Variants in TONSL observed in about 807,000 individuals in gnomAD.
TONSL encodes tonsoku like, DNA repair protein.
TONSL carries 112 observed loss-of-function variants against 147.1 expected under a neutral mutation model. The ratio of observed to expected loss-of-function variants is 0.76; its 90% CI spans 0.65 to 0.89. The LOEUF (loss-of-function observed/expected upper bound fraction) is 0.89, where lower values mean the gene tolerates loss of function less well. Among genes scored for constraint, TONSL ranks in the 40% least tolerant of loss-of-function variants. TONSL has a pLI of 0.00. For missense variants in TONSL, 1,883 were observed against 1,864.6 expected, an observed-to-expected ratio of 1.01 and a Z score of -0.18; for synonymous variants, 868 against 801.5, an observed-to-expected ratio of 1.08 and a Z score of -1.40.
At position 144,432,329 on chromosome 8, in the gene TONSL, C is replaced by T. The variant is rs782387809; in HGVS notation, c.3691G>A (p.Gly1231Ser). 3.1e-6 allele frequency: 5 copies of T among 1,613,722 alleles called. No homozygotes were observed. The highest frequency in any genetic ancestry group is 3.4e-6 in the Non-Finnish European group (4 of 1,179,934). Residue 1231 changes from glycine to serine, a missense_variant, in exon 23 of 26, where the codon GGT (glycine) becomes AGT (serine). Transcript: ENST00000409379. Reference protein sequence around the residue: ...LELSSVAAGKGDSDLMEPVFR... With the variant: ...LELSSVAAGKSDSDLMEPVFR... Reference sequence around the variant, plus strand: ...ACAGGCTCCATGAGGTCCGAATCACCCTTGCCGGCTGCCACGGAGCTGAGC... The same window carrying T: ...ACAGGCTCCATGAGGTCCGAATCACTCTTGCCGGCTGCCACGGAGCTGAGC...
rs1356373678 is a variant in TONSL at position 144,430,971 on chromosome 8, G to A, written c.3809+107C>T. On this transcript the variant is annotated intron_variant, in intron 24 of 25. Coordinates refer to ENST00000409379, the MANE Select transcript of TONSL (RefSeq NM_013432.5). ...AACCGAAGGAGCCAGGTCTTGGGAT[G>A]TGCTGGGGAGGAGGAGCTGGTACCA... is the stretch of plus-strand genomic sequence containing the variant. 4.6e-6 allele frequency: 6 copies of A among 1,310,640 alleles called. No individual in the cohort carries two copies. The African/African-American group carries it at 7.3e-5, about 16-fold the overall frequency. 81.2% of individuals were successfully genotyped at this position (1,310,640 alleles called of 1,614,324 possible). A position where few individuals can be genotyped will look rare whatever the true frequency, so the allele number is the denominator to read the frequency against.
Position 144,436,842 on chromosome 8 carries a change from A to T in TONSL, c.1805T>A (p.Leu602His). The change falls in exon 15 of 26, where the codon CTC becomes CAC. Residue 602 changes from leucine (L) to histidine (H), a missense_variant. Transcript: ENST00000409379. ...GTGGCCACAGTTGAGGGCATCGTGGAGGGGGGTGATGCCTTCGCAGCCCTG... is the reference window on the plus strand; with the variant it reads ...GTGGCCACAGTTGAGGGCATCGTGGTGGGGGGTGATGCCTTCGCAGCCCTG... ...GGQGCEGITP[L>H]HDALNCGHFE... is the part of the protein sequence containing the mutation. The T allele has an allele frequency of 6.2e-7, 1 of 1,610,858 alleles. No homozygotes were observed. Among genetic ancestry groups the T allele is most frequent in the Non-Finnish European group, 8.5e-7 (1 of 1,179,912 alleles).
At chr8:144,430,857 G>C in intron 24 of TONSL, among the ~76,000 whole-genome samples, 1 of 152,330 alleles carries the variant, frequency 6.6e-6, no homozygotes, top group Non-Finnish European at 1.5e-5. Flanking sequence ...GGACACCCCC[G>C]GAGGAGTGCT....
chr8:144,444,352 T>C, intron 1 of TONSL, 38 bp downstream of exon 1: 1 of 1,287,936 alleles, frequency 7.8e-7, no homozygotes, highest in Non-Finnish European at 9.8e-7. Context: ...CTCCCCAGCC[T>C]CCGCGCCCCC....
intron 5 of TONSL, 77 bp downstream of exon 5, chr8:144,442,600 T>C (rs1305379938): frequency 2.6e-6 from 4 of 1,554,212 alleles, no homozygotes; most frequent in Non-Finnish European, 3.5e-6. Flanking sequence ...AGGAGGACTC[T>C]GGGAAAAATA....
chr8:144,439,878 G>A (rs1294558714), intron 11 of TONSL, 143 bp downstream of exon 11: 15 of 587,488 alleles, frequency 2.6e-5, no homozygotes, highest in Admixed American at 9.9e-5. Flanking sequence ...TCTCTGTCCA[G>A]TTCCGGGAAA....
chr8:144,436,390 G>A lies in TONSL; in HGVS notation c.2043C>T (p.Thr681=). The change falls in exon 17 of 26, where the codon ACC becomes ACT. Residue 681 remains threonine, a synonymous_variant. Coordinates refer to ENST00000409379, the MANE Select transcript of TONSL (RefSeq NM_013432.5). ...CGGGGTCAAACAGAAGGCTGCTTGGGGTGTGGAAGGCCTGGGAGCTGTGGG... is the reference window on the plus strand; with the variant it reads ...CGGGGTCAAACAGAAGGCTGCTTGGAGTGTGGAAGGCCTGGGAGCTGTGGG... ...QDPHSSQAFH[T]PSSLLFDPET... is the part of the protein sequence containing the mutation. The A allele has an allele frequency of 6.6e-7, 1 of 1,506,096 alleles. No homozygotes were observed. Among genetic ancestry groups the A allele is most frequent in the South Asian group, 1.3e-5 (1 of 76,582 alleles). 93.3% of individuals were successfully genotyped at this position (1,506,096 alleles called of 1,614,324 possible).
intron 25 of TONSL, 89 bp downstream of exon 25, chr8:144,430,315 G>A: frequency 1.4e-6 from 2 of 1,391,194 alleles, no homozygotes; most frequent in Non-Finnish European, 1.9e-6. Flanking sequence ...TGGTAGCAGT[G>A]ACAGCCCCTT....
chr8:144,444,244 C>A lies in TONSL; in HGVS notation c.57G>T (p.Arg19Ser). 1 of 1,456,416 alleles carries A rather than the reference C, an allele frequency of 6.9e-7. No individual in the cohort carries two copies. The highest frequency in any genetic ancestry group is 9.0e-7 in the Non-Finnish European group (1 of 1,106,848). 90.2% of individuals were successfully genotyped at this position (1,456,416 alleles called of 1,614,324 possible). ...QLSKAKAKAQ[R>S]AGQRREEAAL... is the part of the protein sequence containing the mutation. ...CGGCCTCTTCGCGCCGCTGCCCGGC[C>A]CTCTGCGCCTTGGCTTTCGCCTTGC... Residue 19 changes from arginine (R) to serine (S), a missense_variant, in exon 2 of 26, where the codon AGG becomes AGT. By Grantham distance (110) the Arg-to-Ser change is moderately radical. Transcript: ENST00000409379.
chr8:144,431,759 C>T (rs1321866986), intron 23 of TONSL, among the ~76,000 whole-genome samples: 6 of 151,946 alleles, frequency 3.9e-5, no homozygotes, highest in Non-Finnish European at 5.9e-5. Flanking sequence ...GTGATCCGCC[C>T]GCCTCGGCCT....
Position 144,443,124 on chromosome 8 carries a change from AG to A in TONSL, c.448+13del. On this transcript the variant is annotated intron_variant, in intron 4 of 25. Transcript: ENST00000409379. ...GAAGTTCAGGAGGCAGAAAACGCGGAGGGGTCTGCCCACCCTCCAGCTCCTC... is the reference window on the plus strand; with the variant it reads ...GAAGTTCAGGAGGCAGAAAACGCGGAGGGTCTGCCCACCCTCCAGCTCCTC... 6.5e-7 allele frequency: 1 copy of A among 1,545,604 alleles called. No homozygotes were observed. The highest frequency in any genetic ancestry group is 8.7e-7 in the Non-Finnish European group (1 of 1,142,970).
intron 25 of TONSL, among the ~76,000 whole-genome samples, chr8:144,429,713 G>A (rs1462507657): frequency 6.6e-6 from 1 of 152,204 alleles, no homozygotes; most frequent in Admixed American, 6.5e-5. Context: ...GGGTGGGAAG[G>A]TACAGATGCC....
At position 144,440,054 on chromosome 8, in the gene TONSL, G is replaced by A. The variant is rs747885571; in HGVS notation, c.1447C>T (p.Leu483=). ...EAAATAESEA[L]EAGEVELSEG... is the part of the protein sequence containing the mutation. The stretch of plus-strand genomic sequence containing the variant: ...GAGAGCTCCACCTCGCCGGCCTCCA[G>A]GGCTTCGCTCTCCGCTGTGGCTGCC... The change falls in exon 11 of 26, where the codon CTG becomes TTG. Residue 483 remains leucine, a synonymous_variant. Transcript: ENST00000409379. 5 of 1,522,146 alleles carry A rather than the reference G, an allele frequency of 3.3e-6. No homozygotes were observed. The Admixed American group carries it at 6.8e-5, about 21-fold the overall frequency. The allele number at this position is 1,522,146 out of a possible 1,614,324, so 94.3% of individuals were successfully genotyped here.
Position 144,440,733 on chromosome 8 carries a change from G to A in TONSL, c.1149C>T (p.Ser383=), listed in dbSNP as rs150235596. The A allele has an allele frequency of 4.4e-4, 715 of 1,612,460 alleles. 3 individuals carry two copies. In the Admixed American group the frequency reaches 9.0e-3, roughly 20 times the overall value. ...RHYEEELRLR[S]GNVLEEAKTW... Reference sequence around the variant, plus strand: ...AGGGTTTCACCTCCAGCACGTTGCCGCTGCGCAGCCTCAGTTCCTCCTCAT... The same window carrying A: ...AGGGTTTCACCTCCAGCACGTTGCCACTGCGCAGCCTCAGTTCCTCCTCAT... Residue 383 remains serine, a synonymous_variant, in exon 9 of 26, where the codon AGC becomes AGT. Transcript: ENST00000409379.
At chr8:144,430,868 C>G (rs1178339263) in intron 24 of TONSL, among the ~76,000 whole-genome samples, 1 of 152,236 alleles carries the variant, frequency 6.6e-6, no homozygotes, top group Non-Finnish European at 1.5e-5. Flanking sequence ...GAGGAGTGCT[C>G]TCAAGAGCCA....
intron 22 of TONSL, 69 bp from the exon 23 acceptor site, chr8:144,432,529 C>A: frequency 7.0e-7 from 1 of 1,432,044 alleles, no homozygotes; most frequent in Non-Finnish European, 9.2e-7. Flanking sequence ...GTTCTGGGCC[C>A]AGAACCCTCA....
intron 7 of TONSL, 129 bp from the exon 8 acceptor site, chr8:144,441,240 G>A: frequency 7.6e-7 from 1 of 1,315,850 alleles, no homozygotes; most frequent in Non-Finnish European, 1.0e-6. Context: ...GTTGGTGTGG[G>A]GGTTAATAGC....
rs1424148372 is a variant in TONSL, at chr8:144,441,112, C to A, written c.866-1G>T. 6.2e-7 allele frequency: 1 copy of A among 1,612,718 alleles called. No homozygotes were observed. The highest frequency in any genetic ancestry group is 1.7e-5 in the Admixed American group (1 of 60,028). ...TGCTGCAGCCGGACCACTGCCAGCA[C>A]TGCCGGGAAGAGGTTCATGCAGGGG... On this transcript the variant is annotated splice_acceptor_variant, in intron 7 of 25. Coordinates refer to ENST00000409379, the MANE Select transcript of TONSL (RefSeq NM_013432.5). LOFTEE classifies it high-confidence loss of function.
chr8:144,436,542 G>T lies in TONSL; in HGVS notation c.2014+16C>A. The T allele has an allele frequency of 6.2e-7, 1 of 1,607,518 alleles. No homozygotes were observed. ...GTAGGCACAGCAACCCCAGGGACAAGGGACGCCCTGCTTGCCTTGGCCCGA... is the reference window on the plus strand; with the variant it reads ...GTAGGCACAGCAACCCCAGGGACAATGGACGCCCTGCTTGCCTTGGCCCGA... On this transcript the variant is annotated intron_variant, in intron 16 of 25. Transcript: ENST00000409379.
Sources: gnomAD v4.1 joint callset for allele counts (sites outside exome capture counted in the v4.1 genomes callset) on GRCh38, gnomAD v4.1.1 for gene constraint, MANE v1.5 for transcripts, NCBI Gene and HGNC (gene_info 2026-07-23, HGNC 2026-07-21) for gene names.